The following NDUFAF6 variants were observed in gnomAD, a reference collection of about 807,000 sequenced individuals.
The protein encoded by NDUFAF6 is NADH:ubiquinone oxidoreductase complex assembly factor 6.
NDUFAF6 carries 45 observed loss-of-function variants against 40.8 expected under a neutral mutation model. The ratio of observed to expected loss-of-function variants is 1.10; its 90% CI spans 0.87 to 1.42. The LOEUF (loss-of-function observed/expected upper bound fraction) is 1.42. NDUFAF6 is among the 40% of genes most tolerant of loss of function. The probability of loss-of-function intolerance (pLI) is 0.00; values close to 1 mark genes in which losing one functional copy is unlikely to be tolerated. For missense variants in NDUFAF6, 435 were observed against 418.5 expected (o/e 1.04, Z -0.34); for synonymous variants, 185 against 155.9 (o/e 1.19, Z -1.39).
downstream of NDUFAF6, among the ~76,000 whole-genome samples, chr8:95,105,723 G>A (rs938815330): frequency 1.3e-5 from 2 of 151,958 alleles, no homozygotes; most frequent in African/African-American, 4.8e-5. Context: ...GGCTGGTCTT[G>A]AACTCCTGAT....
At chr8:94,914,942 T>C (rs1166823657) in intron 1 of NDUFAF6, among the ~76,000 whole-genome samples, 1 of 152,166 alleles carries the variant, frequency 6.6e-6, no homozygotes, top group South Asian at 2.1e-4. Flanking sequence ...TTTAGCTTCA[T>C]CGGGTACATG....
At chr8:95,086,961 C>T (rs1809069135) in intron 2 of NDUFAF6, among the ~76,000 whole-genome samples, 1 of 152,084 alleles carries the variant, frequency 6.6e-6, no homozygotes, top group Non-Finnish European at 1.5e-5. Flanking sequence ...TCCTAGAGTC[C>T]CTGCAGGGGT....
chr8:95,051,790 G>A (rs1217539886), intron 7 of NDUFAF6, among the ~76,000 whole-genome samples: 1 of 152,134 alleles, frequency 6.6e-6, no homozygotes, highest in Non-Finnish European at 1.5e-5. Context: ...GGGAACACAG[G>A]CAAGATCACC....
At chr8:94,963,177 C>T (rs1358708147) in intron 1 of NDUFAF6, among the ~76,000 whole-genome samples, 1 of 152,140 alleles carries the variant, frequency 6.6e-6, no homozygotes, top group Non-Finnish European at 1.5e-5. Flanking sequence ...CAGCCAAAGG[C>T]ATGTCTTATT....
At chr8:95,069,810 T>A (rs959058643) in intron 9 of NDUFAF6, among the ~76,000 whole-genome samples, 19 of 144,436 alleles carry the variant, frequency 1.3e-4, no homozygotes, top group East Asian at 3.9e-4. Context: ...TATATATATA[T>A]AAATATATAT....
At chr8:95,077,133 C>T (rs1201182718), downstream of NDUFAF6, among the ~76,000 whole-genome samples, 1 of 152,154 alleles carries the variant, frequency 6.6e-6, no homozygotes, top group African/African-American at 2.4e-5. Flanking sequence ...AAAAAATCAA[C>T]CCTGGGGATA....
chr8:94,986,398 C>T (rs1029182056), intron 2 of NDUFAF6, among the ~76,000 whole-genome samples: 14 of 152,314 alleles, frequency 9.2e-5, no homozygotes, highest in Admixed American at 7.2e-4. Flanking sequence ...TATCTGGGTA[C>T]ACCTGTTTCC....
intron 2 of NDUFAF6, chr8:94,951,023 T>C (rs1822562347): frequency 6.6e-6 from 1 of 152,238 alleles, no homozygotes; most frequent in African/African-American, 2.4e-5. Flanking sequence ...GAATCTGGGC[T>C]GACCCTGTGA....
At chr8:94,917,092 C>T (rs978338246) in intron 1 of NDUFAF6, among the ~76,000 whole-genome samples, 14 of 118,246 alleles carry the variant, frequency 1.2e-4, no homozygotes, top group Non-Finnish European at 2.1e-4. Context: ...GCCTGGGTGA[C>T]AGAGCGAGAC....
intron 2 of NDUFAF6, among the ~76,000 whole-genome samples, chr8:95,088,205 C>T (rs1260622517): frequency 6.6e-6 from 1 of 152,198 alleles, no homozygotes. Flanking sequence ...CACAGCCTCC[C>T]ACAGGCTGCC....
chr8:95,041,955 A>G (rs1830197683), intron 4 of NDUFAF6, among the ~76,000 whole-genome samples: 1 of 152,232 alleles, frequency 6.6e-6, no homozygotes, highest in Non-Finnish European at 1.5e-5. Flanking sequence ...AGAAAATCCC[A>G]GACATCTTAT....
At chr8:95,086,303 TTCCCCTC>T (rs770810331) in intron 2 of NDUFAF6, among the ~76,000 whole-genome samples, 98 of 152,332 alleles carry the variant, frequency 6.4e-4, no homozygotes, top group Non-Finnish European at 1.2e-3. Context: ...GAAAACAGTG[TTCCCCTC>T]AACACTGTAA....
chr8:95,050,746 GAAGA>G (rs1831333680), intron 7 of NDUFAF6, among the ~76,000 whole-genome samples: 1 of 152,132 alleles, frequency 6.6e-6, no homozygotes, highest in South Asian at 2.1e-4. Flanking sequence ...CTTAGGAGAG[GAAGA>G]AAGAGTGTCT....
At chr8:94,940,149 G>A (rs1279664269) in intron 1 of NDUFAF6, 12 of 1,614,026 alleles carry the variant, frequency 7.4e-6, no homozygotes, top group Non-Finnish European at 1.0e-5. Context: ...ACTGAAGGGT[G>A]CTCAGTAGGT....
intron 4 of NDUFAF6, among the ~76,000 whole-genome samples, chr8:95,042,343 CTTAGT>C (rs1209340220): frequency 6.6e-6 from 1 of 152,090 alleles, no homozygotes; most frequent in Admixed American, 6.5e-5. Flanking sequence ...TGTAAGTTTA[CTTAGT>C]TTATTTAGAT....
At chr8:94,991,485 T>C (rs1341625230) in intron 2 of NDUFAF6, among the ~76,000 whole-genome samples, 2 of 152,152 alleles carry the variant, frequency 1.3e-5, no homozygotes, top group African/African-American at 4.8e-5. Flanking sequence ...CTAATTTTCA[T>C]CTGTAAAATG....
chr8:95,018,093 C>T (rs896907417), intron 2 of NDUFAF6, among the ~76,000 whole-genome samples: 2 of 152,054 alleles, frequency 1.3e-5, no homozygotes, highest in Admixed American at 6.6e-5. Context: ...TTCACCCAGG[C>T]TGGGTGCAGT....
At chr8:95,094,114 G>T (rs775956813) in intron 2 of NDUFAF6, among the ~76,000 whole-genome samples, 2 of 152,072 alleles carry the variant, frequency 1.3e-5, no homozygotes, top group African/African-American at 4.8e-5. Flanking sequence ...GGGATTACAG[G>T]CATGCACCAC....
chr8:95,080,183 G>A (rs900291288), downstream of NDUFAF6, among the ~76,000 whole-genome samples: 3 of 145,206 alleles, frequency 2.1e-5, no homozygotes, highest in Admixed American at 6.8e-5. Context: ...TTTTTGTAGC[G>A]TATTTTTTGT....
Sources: allele counts gnomAD v4.1 joint callset (sites outside exome capture counted in the v4.1 genomes callset), GRCh38; gene constraint gnomAD v4.1.1; transcripts MANE v1.5; gene names NCBI Gene and HGNC (gene_info 2026-07-23, HGNC 2026-07-21).